The following GOLGA2 variants were observed in gnomAD, a reference collection of about 807,000 sequenced individuals.
The protein encoded by GOLGA2 is golgin subfamily A member 2.
A neutral mutation model predicts 148.8 loss-of-function variants in GOLGA2; 49 were observed. The ratio of observed to expected loss-of-function variants is 0.33; its 90% CI spans 0.26 to 0.42. The LOEUF (loss-of-function observed/expected upper bound fraction) is 0.42, where lower values mean the gene tolerates loss of function less well. Ranked by LOEUF, GOLGA2 falls within the 10% of genes least tolerant of loss-of-function variation. The pLI is 1.00. For missense variants in GOLGA2, 1,178 were observed against 1,304.6 expected, an observed-to-expected ratio of 0.90 and a Z score of 1.49; for synonymous variants, 501 against 511.8, an observed-to-expected ratio of 0.98 and a Z score of 0.28.
Position 128,260,256 on chromosome 9 carries a change from T to A in GOLGA2, c.1759-67A>T. 7.6e-7 allele frequency: 1 copy of A among 1,315,836 alleles called. No homozygotes were observed. The highest frequency in any genetic ancestry group is 1.4e-5 in the African/African-American group (1 of 69,560). 81.5% of individuals were successfully genotyped at this position (1,315,836 alleles called of 1,614,324 possible). Reference sequence around the variant, plus strand: ...GAGACCCCAGAACTTGCTGCCTTGGTGTCTGCCTCCCATGGCACCGGGAAG... The same window carrying A: ...GAGACCCCAGAACTTGCTGCCTTGGAGTCTGCCTCCCATGGCACCGGGAAG... On this transcript the variant is annotated intron_variant, in intron 18 of 26. Coordinates refer to ENST00000611957, the MANE Select transcript of GOLGA2 (RefSeq NM_001366244.2). This position sits in a 1 kb window ranked among gnomAD's most constrained non-coding sequence, Gnocchi z 4.8.
At position 128,257,155 on chromosome 9, in the gene GOLGA2, C is replaced by A. The variant is rs373308814; in HGVS notation, c.3002G>T (p.Arg1001Leu). 1 of 1,614,110 alleles carries A rather than the reference C, an allele frequency of 6.2e-7. No homozygotes were observed. The change falls in exon 27 of 27, where the codon CGG becomes CTG. Residue 1001 changes from arginine to leucine, a missense_variant. This residue lies in a region of GOLGA2 where 149 missense variants were observed against 154.9 expected (regional missense o/e 0.96). Coordinates refer to ENST00000611957, the MANE Select transcript of GOLGA2 (RefSeq NM_001366244.2). This position sits in a 1 kb window ranked among gnomAD's most constrained non-coding sequence, Gnocchi z 8.0. ...MQLLREMQNPRERPGLGSNPC... is the reference protein window; with the variant it reads ...MQLLREMQNPLERPGLGSNPC... ...GTTGCTGCCCAAGCCTGGGCGCTCC[C>A]GGGGGTTCTGCATCTCACGAAGCAG...
rs537010813 is a variant in GOLGA2, at chr9:128,260,318, C to A, written c.1759-129G>T. 9.1e-7 allele frequency: 1 copy of A among 1,096,252 alleles called. No individual in the cohort carries two copies. Among genetic ancestry groups the A allele is most frequent in the Non-Finnish European group, 1.4e-6 (1 of 725,350 alleles). The allele number at this position is 1,096,252 out of a possible 1,614,324, so 67.9% of individuals were successfully genotyped here. ...GTTAGAAAAATCATCCCCTCTCCCC[C>A]ACAGCCATCGGAGCAGGGCTCTGGC... On this transcript the variant is annotated intron_variant, in intron 18 of 26. Transcript: ENST00000611957. This position sits in a 1 kb window ranked among gnomAD's most constrained non-coding sequence, Gnocchi z 4.8.
At chr9:128,262,753 C>A in intron 13 of GOLGA2, 49 bp from the exon 14 acceptor site, 1 of 1,568,418 alleles carries the variant, frequency 6.4e-7, no homozygotes, top group Non-Finnish European at 8.7e-7. Flanking sequence ...ACAGAAAGGA[C>A]TGCTTTGGTG....
chr9:128,265,501 C>G, intron 12 of GOLGA2, 84 bp downstream of exon 12: 1 of 1,035,990 alleles, frequency 9.7e-7, no homozygotes, highest in Non-Finnish European at 1.5e-6. Context: ...GCAGGACAGT[C>G]AACCCTGCAG....
chr9:128,271,586 C>T lies in GOLGA2; in HGVS notation c.288+1199G>A, dbSNP rs545427710. On this transcript the variant is annotated intron_variant, in intron 3 of 26. Coordinates refer to ENST00000611957, the MANE Select transcript of GOLGA2 (RefSeq NM_001366244.2). This position sits in a 1 kb window ranked among gnomAD's most constrained non-coding sequence, Gnocchi z 4.4. ...GCTCTGTGAGTTCACACTCTGGCCA[C>T]GGCCTCACCGCTCCCCCTGCCTCCC... Among the ~76,000 whole-genome samples, 1 of 152,254 alleles carries T rather than the reference C, an allele frequency of 6.6e-6. No individual in the cohort carries two copies. The highest frequency in any genetic ancestry group is 2.1e-4 in the South Asian group (1 of 4,822).
chr9:128,275,488 C>A, intron 1 of GOLGA2: 9 of 1,300,862 alleles, frequency 6.9e-6, no homozygotes, highest in Admixed American at 3.9e-5. Flanking sequence ...CGGTTTGGGG[C>A]GGCAGGAGGT....
intron 1 of GOLGA2, 139 bp downstream of exon 1, chr9:128,275,754 A>G: frequency 1.7e-6 from 1 of 589,014 alleles, no homozygotes; most frequent in East Asian, 3.3e-5. Context: ...GGCTGACAAG[A>G]CTTTGGTGGA....
Position 128,258,497 on chromosome 9 carries a change from G to A in GOLGA2, c.2247C>T (p.Pro749=), listed in dbSNP as rs1336875639. 20 of 1,610,480 alleles carry A rather than the reference G, an allele frequency of 1.2e-5. No individual in the cohort carries two copies. Among genetic ancestry groups the A allele is most frequent in the Non-Finnish European group, 1.7e-5 (20 of 1,179,016 alleles). The part of the protein sequence containing the change: ...EEEEAVAVPQ[P]MPSIPEDLES... ...CCAGGTCCTCCGGGATGCTTGGCAT[G>A]GGCTGAGGTACTGCCACCGCCTCCT... The change falls in exon 22 of 27, where the codon CCC becomes CCT. Residue 749 remains proline, a synonymous_variant. Coordinates refer to ENST00000611957, the MANE Select transcript of GOLGA2 (RefSeq NM_001366244.2). This position sits in a 1 kb window ranked among gnomAD's most constrained non-coding sequence, Gnocchi z 6.6.
Position 128,259,029 on chromosome 9 carries a change from G to T in GOLGA2, c.2151C>A (p.Ser717Arg). The change falls in exon 21 of 27, where the codon AGC becomes AGA. Residue 717 changes from serine (S) to arginine (R), a missense_variant. Physicochemically the swap from Ser to Arg is moderately radical, Grantham distance 110. Transcript: ENST00000611957. ...QQNQQLRAQL[S>R]LMAHPGEGDG... ...TACCTTCCCCAGGGTGAGCCATGAG[G>T]CTCAACTGGGCCCGTAGCTGCTGAT... The T allele has an allele frequency of 6.2e-7, 1 of 1,607,396 alleles. No individual in the cohort carries two copies. Among genetic ancestry groups the T allele is most frequent in the Non-Finnish European group, 8.5e-7 (1 of 1,176,794 alleles).
chr9:128,260,765 G>A lies in GOLGA2; in HGVS notation c.1458C>T (p.Ser486=), dbSNP rs369813932. ...CCGCTTGTAGCTGCTGCTCCACCTC[G>A]GAGGGCCCTGCTGGGGGCTCTGGGG... The part of the protein sequence containing the change: ...PPPPEPPAGP[S]EVEQQLQAEA... Residue 486 remains serine, a synonymous_variant, in exon 18 of 27, where the codon TCC becomes TCT. Coordinates refer to ENST00000611957, the MANE Select transcript of GOLGA2 (RefSeq NM_001366244.2). The surrounding 1 kb of genome is among the most constrained non-coding windows in gnomAD (Gnocchi z 4.8). 3.3e-4 allele frequency: 539 copies of A among 1,611,614 alleles called. 1 individual carries two copies. Among genetic ancestry groups the A allele is most frequent in the Non-Finnish European group, 4.5e-4 (529 of 1,179,360 alleles).
intron 11 of GOLGA2, 41 bp from the exon 12 acceptor site, chr9:128,265,732 C>T (rs902782945): frequency 5.0e-6 from 8 of 1,610,494 alleles, no homozygotes; most frequent in Admixed American, 1.7e-5. Flanking sequence ...AAGGACTCCC[C>T]CTAAAGGCCT....
rs200839656 is a variant in GOLGA2 at position 128,266,050 on chromosome 9, G to A, written c.682-30C>T. On this transcript the variant is annotated intron_variant, in intron 9 of 26. Coordinates refer to ENST00000611957, the MANE Select transcript of GOLGA2 (RefSeq NM_001366244.2). This position sits in a 1 kb window ranked among gnomAD's most constrained non-coding sequence, Gnocchi z 4.2. ...AGGAAGAGGAAGACAGAGCTCTTAC[G>A]AGGGGGAGGCAGAGACGGCACAGCA... 74 of 1,586,916 alleles carry A rather than the reference G, an allele frequency of 4.7e-5. No individual in the cohort carries two copies. Among genetic ancestry groups the A allele is most frequent in the Non-Finnish European group, 5.5e-5 (64 of 1,155,342 alleles).
rs758005436 is a variant in GOLGA2, at chr9:128,266,364, C to G, written c.643-39G>C. On this transcript the variant is annotated intron_variant, in intron 8 of 26. Coordinates refer to ENST00000611957, the MANE Select transcript of GOLGA2 (RefSeq NM_001366244.2). This position sits in a 1 kb window ranked among gnomAD's most constrained non-coding sequence, Gnocchi z 4.2. ...TCAAAGGAAGGTGACTGAGGGTGGC[C>G]CCCTCAACTCTATTCCCCAGACCAG... is the stretch of plus-strand genomic sequence containing the variant. The G allele has an allele frequency of 6.4e-7, 1 of 1,574,118 alleles. No individual in the cohort carries two copies. Among genetic ancestry groups the G allele is most frequent in the Admixed American group, 1.7e-5 (1 of 59,942 alleles).
chr9:128,257,264 G>A lies in GOLGA2; in HGVS notation c.2893C>T (p.Leu965Phe). 1.2e-6 allele frequency: 2 copies of A among 1,613,096 alleles called. No individual in the cohort carries two copies. The highest frequency in any genetic ancestry group is 1.7e-6 in the Non-Finnish European group (2 of 1,179,794). Residue 965 changes from leucine to phenylalanine, a missense_variant, in exon 27 of 27, where the codon CTC (leucine) becomes TTC (phenylalanine). Leu to Phe is a conservative substitution (Grantham distance 22). This residue lies in a region of GOLGA2 where 149 missense variants were observed against 154.9 expected (regional missense o/e 0.96). Coordinates refer to ENST00000611957, the MANE Select transcript of GOLGA2 (RefSeq NM_001366244.2). This position sits in a 1 kb window ranked among gnomAD's most constrained non-coding sequence, Gnocchi z 8.0. Reference sequence around the variant, plus strand: ...TGGGCAGGCTCCACACTGCCGGCGAGGCTCACCTCGCAAAGATCTTTGGAG... The same window carrying A: ...TGGGCAGGCTCCACACTGCCGGCGAAGCTCACCTCGCAAAGATCTTTGGAG... ...NQQGDLCEVS[L>F]AGSVEPAQGE...
chr9:128,265,980 T>C lies in GOLGA2; in HGVS notation c.722A>G (p.Glu241Gly), dbSNP rs1387477682. The C allele has an allele frequency of 6.2e-7, 1 of 1,613,234 alleles. No individual in the cohort carries two copies. The highest frequency in any genetic ancestry group is 8.5e-7 in the Non-Finnish European group (1 of 1,179,276). Residue 241 changes from glutamate to glycine, a missense_variant, in exon 10 of 27, where the codon GAG becomes GGG. Transcript: ENST00000611957. ...ECHQKQGALR[E>G]QLQVHIQTIG... ...ACACCCTCCACTCACCTGTAACTGCTCCCTTAGGGCTCCCTGCTTTTGGTG... is the reference window on the plus strand; with the variant it reads ...ACACCCTCCACTCACCTGTAACTGCCCCCTTAGGGCTCCCTGCTTTTGGTG...
In GOLGA2 at chr9:128,262,477, G is replaced by A. The variant is rs1830331793; in HGVS notation, c.1134+86C>T. 3.0e-6 allele frequency: 4 copies of A among 1,323,586 alleles called. No homozygotes were observed. In the East Asian group the frequency reaches 9.4e-5, roughly 31 times the overall value. 82.0% of individuals were successfully genotyped at this position (1,323,586 alleles called of 1,614,324 possible). On this transcript the variant is annotated intron_variant, in intron 14 of 26. Transcript: ENST00000611957. Reference sequence around the variant, plus strand: ...GACCCAAATTTTCCAGCTCTTGGCTGGAGTCTCCCCATGCCCTGCATGATC... The same window carrying A: ...GACCCAAATTTTCCAGCTCTTGGCTAGAGTCTCCCCATGCCCTGCATGATC...
At chr9:128,270,905 G>A (rs951605671) in intron 3 of GOLGA2, among the ~76,000 whole-genome samples, 24 of 151,932 alleles carry the variant, frequency 1.6e-4, no homozygotes, top group Admixed American at 2.6e-4. Context: ...AAAAATGGCC[G>A]GGCGTGATGG....
In GOLGA2 at chr9:128,260,782, G is replaced by A. The variant is rs2131343513; in HGVS notation, c.1441C>T (p.Pro481Ser). The A allele has an allele frequency of 6.2e-7, 1 of 1,607,874 alleles. No homozygotes were observed. Among genetic ancestry groups the A allele is most frequent in the Middle Eastern group, 1.8e-4 (1 of 5,602 alleles). The change falls in exon 18 of 27, where the codon CCC (proline) becomes TCC (serine). Residue 481 changes from proline to serine, a missense_variant. Around this residue, in one of 5 missense-constraint regions of GOLGA2, gnomAD observed 529 missense variants for 521.8 expected, o/e 1.01. Coordinates refer to ENST00000611957, the MANE Select transcript of GOLGA2 (RefSeq NM_001366244.2). This position sits in a 1 kb window ranked among gnomAD's most constrained non-coding sequence, Gnocchi z 4.8. ...NQMAEPPPPEPPAGPSEVEQQ... is the reference protein window; with the variant it reads ...NQMAEPPPPESPAGPSEVEQQ... ...TCCACCTCGGAGGGCCCTGCTGGGG[G>A]CTCTGGGGGCGGGGGTTCAGCTGAG...
At chr9:128,273,806 C>T in intron 2 of GOLGA2, 44 bp downstream of exon 2, 1 of 1,606,188 alleles carries the variant, frequency 6.2e-7, no homozygotes, top group Non-Finnish European at 8.5e-7. Flanking sequence ...CTCTACTGCC[C>T]CTTGGGCCCC....
Sources: allele counts gnomAD v4.1 joint callset (sites outside exome capture counted in the v4.1 genomes callset), GRCh38; gene constraint gnomAD v4.1.1; regional missense constraint gnomAD v4.1.1; non-coding constraint Gnocchi (gnomAD v3.1); transcripts MANE v1.5; gene names NCBI Gene and HGNC (gene_info 2026-07-23, HGNC 2026-07-21).